SND1: variants seen among roughly 807,000 people sequenced by gnomAD.
SND1 encodes the protein staphylococcal nuclease domain-containing protein 1.
In SND1, 38 loss-of-function variants were observed where a neutral mutation model predicts 121.7. That is an observed-to-expected ratio of 0.31 (90% CI 0.24 to 0.41). The LOEUF is 0.41. Among genes scored for constraint, SND1 ranks in the 10% least tolerant of loss-of-function variants. The pLI is 1.00. For synonymous variants in SND1, 401 were observed against 447.4 expected (o/e 0.90, Z 1.31); for missense variants, 868 against 1,184.6 (o/e 0.73, Z 3.92).
intron 10 of SND1, among the ~76,000 whole-genome samples, chr7:127,755,956 T>A (rs1797188365): frequency 6.6e-6 from 1 of 152,270 alleles, no homozygotes; most frequent in South Asian, 2.1e-4. Flanking sequence ...GGAAGTCTAT[T>A]AATTTTTTTA....
At chr7:127,808,029 A>G (rs913998963) in intron 11 of SND1, among the ~76,000 whole-genome samples, 2 of 151,826 alleles carry the variant, frequency 1.3e-5, no homozygotes, top group African/African-American at 2.4e-5. Flanking sequence ...ATTGTAATGC[A>G]CTGTGGCATC....
At chr7:127,910,178 G>A (rs570829342) in intron 14 of SND1, among the ~76,000 whole-genome samples, 7 of 152,240 alleles carry the variant, frequency 4.6e-5, no homozygotes, top group East Asian at 3.9e-4. Flanking sequence ...GGTGGCTCAC[G>A]CCTGTAATCC....
At chr7:127,714,039 C>T (rs1298369685) in intron 9 of SND1, among the ~76,000 whole-genome samples, 1 of 151,936 alleles carries the variant, frequency 6.6e-6, no homozygotes, top group African/African-American at 2.4e-5. Flanking sequence ...GCTGCTGGAT[C>T]CTTGGGCATT....
intron 10 of SND1, among the ~76,000 whole-genome samples, chr7:127,802,388 T>C (rs962566311): frequency 6.6e-6 from 1 of 152,192 alleles, no homozygotes; most frequent in African/African-American, 2.4e-5. Context: ...CCTAGTGCTC[T>C]ACCAAAAGTA....
At chr7:127,711,338 T>C (rs922618128) in intron 9 of SND1, among the ~76,000 whole-genome samples, 2 of 152,238 alleles carry the variant, frequency 1.3e-5, no homozygotes, top group African/African-American at 4.8e-5. Context: ...ATGTCCATTC[T>C]CTACATACAC....
chr7:127,738,207 T>C (rs1311102499), intron 10 of SND1, among the ~76,000 whole-genome samples: 2 of 152,020 alleles, frequency 1.3e-5, no homozygotes, highest in East Asian at 1.9e-4. Context: ...GGTAGGTACA[T>C]TGATTACTCC....
At chr7:128,091,921 T>C in intron 23 of SND1, 40 bp downstream of exon 23, 1 of 1,614,106 alleles carries the variant, frequency 6.2e-7, no homozygotes, top group Non-Finnish European at 8.5e-7. Flanking sequence ...GGTACCGAGT[T>C]GAGGGGTTTG....
chr7:127,810,189 G>A (rs1798309383), intron 11 of SND1, among the ~76,000 whole-genome samples: 2 of 152,130 alleles, frequency 1.3e-5, no homozygotes, highest in Non-Finnish European at 1.5e-5. Flanking sequence ...CCCTTTCTTT[G>A]TTGGTTCTGC....
rs745645125 is a variant in SND1, at chr7:127,964,692, G to A, written c.1670-26255G>A. On this transcript the variant is annotated intron_variant, in intron 15 of 23. Coordinates refer to ENST00000354725, the MANE Select transcript of SND1 (RefSeq NM_014390.4). Reference sequence around the variant, plus strand: ...ATAGTTTGAAGTCAGGTAGCGTGATGCCTCCAGCTTTGTTCTTTTGGCTTA... The same window carrying A: ...ATAGTTTGAAGTCAGGTAGCGTGATACCTCCAGCTTTGTTCTTTTGGCTTA... 2.1e-3 allele frequency among the ~76,000 whole-genome samples: 314 copies of A among 150,708 alleles called. 2 individuals are homozygous for A. The highest frequency in any genetic ancestry group is 3.6e-3 in the Non-Finnish European group (246 of 67,474).
chr7:127,897,182 AG>A (rs1800136932), intron 13 of SND1, among the ~76,000 whole-genome samples: 1 of 152,156 alleles, frequency 6.6e-6, no homozygotes, highest in African/African-American at 2.4e-5. Context: ...CCAGAAGTTG[AG>A]AAGAATTACT....
At chr7:127,960,081 T>A (rs17676654) in intron 15 of SND1, among the ~76,000 whole-genome samples, 24,825 of 152,238 alleles carry the variant, frequency 0.16, 2,661 homozygotes, top group Middle Eastern at 0.25. Flanking sequence ...CATTCGTCTC[T>A]GGAACTTACC....
intron 16 of SND1, among the ~76,000 whole-genome samples, chr7:128,004,158 G>A (rs370445019): frequency 9.9e-5 from 15 of 151,992 alleles, no homozygotes; most frequent in African/African-American, 3.6e-4. Flanking sequence ...CCCTGAGTCA[G>A]TTTCTGGAGA....
At chr7:127,796,284 T>C (rs1798024648) in intron 10 of SND1, among the ~76,000 whole-genome samples, 1 of 152,172 alleles carries the variant, frequency 6.6e-6, no homozygotes, top group Admixed American at 6.5e-5. Context: ...AAAGTTGCAG[T>C]GATACAACTG....
At chr7:127,745,934 G>A (rs1348411507) in intron 10 of SND1, among the ~76,000 whole-genome samples, 1 of 152,204 alleles carries the variant, frequency 6.6e-6, no homozygotes, top group Non-Finnish European at 1.5e-5. Context: ...CCTAACTTCA[G>A]CTGCCCTCTG....
intron 10 of SND1, among the ~76,000 whole-genome samples, chr7:127,785,829 G>A (rs1198344438): frequency 5.3e-5 from 8 of 152,218 alleles, no homozygotes; most frequent in Admixed American, 4.6e-4. Context: ...CCTGATTCTT[G>A]GCACAGATCA....
chr7:127,852,315 G>A (rs190165310), intron 12 of SND1, among the ~76,000 whole-genome samples: 45 of 151,050 alleles, frequency 3.0e-4, no homozygotes, highest in Non-Finnish European at 5.5e-4. Context: ...CCAATATGAT[G>A]AAACCCCATC....
intron 10 of SND1, among the ~76,000 whole-genome samples, chr7:127,801,850 CT>C (rs576392185): frequency 6.6e-6 from 1 of 151,102 alleles, no homozygotes; most frequent in Non-Finnish European, 1.5e-5. Flanking sequence ...GTATAGAACT[CT>C]TTTTTTTTGA....
At chr7:127,837,936 A>T (rs1353601060) in intron 11 of SND1, among the ~76,000 whole-genome samples, 1 of 152,230 alleles carries the variant, frequency 6.6e-6, no homozygotes, top group African/African-American at 2.4e-5. Flanking sequence ...TGGATGGAGT[A>T]ATGGTGAGAG....
rs191131004 is a variant in SND1, at chr7:127,958,406, G to A, written c.1669+29077G>A. On this transcript the variant is annotated intron_variant, in intron 15 of 23. Transcript: ENST00000354725. Reference sequence around the variant, plus strand: ...AAACTTTGTCCAGTCGTCTGTGTCCGTATCAACTCTGGAACTATTCAGGGC... The same window carrying A: ...AAACTTTGTCCAGTCGTCTGTGTCCATATCAACTCTGGAACTATTCAGGGC... Among the ~76,000 whole-genome samples, 31 of 152,188 alleles carry A rather than the reference G, an allele frequency of 2.0e-4. No individual in the cohort carries two copies. The East Asian group carries it at 5.6e-3, about 27-fold the overall frequency.
Sources: allele counts gnomAD v4.1 joint callset (sites outside exome capture counted in the v4.1 genomes callset), GRCh38; gene constraint gnomAD v4.1.1; transcripts MANE v1.5; gene names NCBI Gene and HGNC (gene_info 2026-07-23, HGNC 2026-07-21).